ABCB4: variants seen among roughly 807,000 people sequenced by gnomAD.
ABCB4 encodes the protein phosphatidylcholine translocator ABCB4.
In ABCB4, 76 loss-of-function variants were observed where a neutral mutation model predicts 145.7. The observed-to-expected ratio is 0.52, with a 90% confidence interval of 0.43 to 0.63. ABCB4 has a LOEUF of 0.63. Among genes scored for constraint, ABCB4 ranks in the 30% least tolerant of loss-of-function variants. The probability of loss-of-function intolerance (pLI) is 0.00; values close to 1 mark genes in which losing one functional copy is unlikely to be tolerated. For missense variants in ABCB4, 1,234 were observed against 1,553.1 expected (o/e 0.79, Z 3.45); for synonymous variants, 517 against 566.8 (o/e 0.91, Z 1.25).
At chr7:87,414,996 C>T (rs576009382) in intron 21 of ABCB4, among the ~76,000 whole-genome samples, 1 of 152,300 alleles carries the variant, frequency 6.6e-6, no homozygotes, top group South Asian at 2.1e-4. Context: ...CCAACTGAGA[C>T]TATCTGATGT....
chr7:87,402,990 C>T (rs532178520), intron 27 of ABCB4, 145 bp downstream of exon 27: 210 of 903,638 alleles, frequency 2.3e-4, no homozygotes, highest in Middle Eastern at 1.3e-3. Context: ...AACGAGACCC[C>T]GTCTCAAAAA....
chr7:87,475,462 C>A lies in ABCB4; in HGVS notation c.4G>T (p.Asp2Tyr). 1 of 1,614,218 alleles carries A rather than the reference C, an allele frequency of 6.2e-7. No individual in the cohort carries two copies. Among genetic ancestry groups the A allele is most frequent in the East Asian group, 2.2e-5 (1 of 44,876 alleles). ...GTTCCGTTCTTTGCCGCCTCAAGAT[C>A]CATCTCAGCCTGAGGAGAAACCACA... Reference protein sequence around the residue: MDLEAAKNGTAW... With the variant: MYLEAAKNGTAW... The change falls in exon 2 of 28, where the codon GAT (aspartate) becomes TAT (tyrosine). Residue 2 changes from aspartate (D) to tyrosine (Y), a missense_variant. Coordinates refer to ENST00000649586, the MANE Select transcript of ABCB4 (RefSeq NM_000443.4).
the ABCB4 span, among the ~76,000 whole-genome samples, chr7:87,385,572 A>G: frequency 6.6e-6 from 1 of 152,120 alleles, no homozygotes; most frequent in Middle Eastern, 3.4e-3. Flanking sequence ...TTTGTTTATC[A>G]CTCTAATGGC....
At chr7:87,396,942 CTA>C (rs1807545727), downstream of ABCB4, among the ~76,000 whole-genome samples, 1 of 152,078 alleles carries the variant, frequency 6.6e-6, no homozygotes, top group Admixed American at 6.6e-5. Flanking sequence ...CTTAGGATTC[CTA>C]TGATTTATCT....
intron 21 of ABCB4, among the ~76,000 whole-genome samples, chr7:87,414,381 G>A (rs1451558415): frequency 2.0e-5 from 3 of 152,176 alleles, no homozygotes; most frequent in South Asian, 4.1e-4. Context: ...TACAGCATCC[G>A]AGGAATGGAA....
intron 26 of ABCB4, 170 bp from the exon 27 acceptor site, chr7:87,403,451 C>T: frequency 1.6e-6 from 1 of 629,610 alleles, no homozygotes; most frequent in Non-Finnish European, 2.8e-6. Context: ...CTTTAATTCT[C>T]AATGGTATTC....
At chr7:87,375,846 G>T in the ABCB4 span, 2 of 1,613,436 alleles carry the variant, frequency 1.2e-6, no homozygotes, top group Admixed American at 3.3e-5. Context: ...ATATCTGATT[G>T]GTCTTGATCC....
At chr7:87,369,076 A>T in the ABCB4 span, among the ~76,000 whole-genome samples, 1 of 152,040 alleles carries the variant, frequency 6.6e-6, no homozygotes, top group African/African-American at 2.4e-5. Flanking sequence ...TCCCCTTCCC[A>T]TTTCTGTTCC....
the ABCB4 span, among the ~76,000 whole-genome samples, chr7:87,378,686 C>T: frequency 6.6e-6 from 1 of 152,146 alleles, no homozygotes; most frequent in Admixed American, 6.5e-5. Flanking sequence ...TGGAATAATC[C>T]TCATCAGTTG....
intron 16 of ABCB4, among the ~76,000 whole-genome samples, chr7:87,424,736 AC>A (rs1351789277): frequency 6.6e-6 from 1 of 152,218 alleles, no homozygotes; most frequent in Non-Finnish European, 1.5e-5. Context: ...CTAGTATGTA[AC>A]TTTTTTTAAG....
intron 5 of ABCB4, among the ~76,000 whole-genome samples, chr7:87,453,910 A>T (rs1013925429): frequency 2.0e-5 from 3 of 150,948 alleles, no homozygotes; most frequent in Non-Finnish European, 3.0e-5. Context: ...GAACCAAAAA[A>T]CTTTGTTCCT....
At chr7:87,421,641 A>T (rs183850536) in intron 18 of ABCB4, among the ~76,000 whole-genome samples, 70 of 152,360 alleles carry the variant, frequency 4.6e-4, no homozygotes, top group African/African-American at 1.5e-3. Context: ...ATTACAGAGA[A>T]GTCTAACTGG....
At position 87,418,716 on chromosome 7, in the gene ABCB4, A is replaced by G. The variant is rs1051016010; in HGVS notation, c.2395-96T>C. ...CAAAGCTCCAATGCTGAGGAAATTTAGGGGAGACCTCATATGCAGTGTAGA... is the reference window on the plus strand; with the variant it reads ...CAAAGCTCCAATGCTGAGGAAATTTGGGGGAGACCTCATATGCAGTGTAGA... On this transcript the variant is annotated intron_variant, in intron 19 of 27. Transcript: ENST00000649586. 5.2e-6 allele frequency: 6 copies of G among 1,143,840 alleles called. No individual in the cohort carries two copies. The African/African-American group carries it at 9.2e-5, about 17-fold the overall frequency. The allele number at this position is 1,143,840 out of a possible 1,614,324, so 70.9% of individuals were successfully genotyped here. A position where few individuals can be genotyped will look rare whatever the true frequency, so the allele number is the denominator to read the frequency against.
downstream of ABCB4, among the ~76,000 whole-genome samples, chr7:87,397,573 A>G (rs1807577526): frequency 6.6e-6 from 1 of 152,206 alleles, no homozygotes. Context: ...ACATGTTTAG[A>G]TGCTGCTAAA....
At chr7:87,435,394 T>C (rs913728014) in intron 14 of ABCB4, among the ~76,000 whole-genome samples, 5 of 152,232 alleles carry the variant, frequency 3.3e-5, no homozygotes, top group Non-Finnish European at 5.9e-5. Context: ...TCCTCATATC[T>C]GGGCAGGCCC....
intron 14 of ABCB4, among the ~76,000 whole-genome samples, chr7:87,436,322 C>CAA (rs201591261): frequency 8.7e-5 from 9 of 102,892 alleles, no homozygotes; most frequent in South Asian, 3.0e-4. Context: ...CTTTCAGCTA[C>CAA]AAAAAAAAAA....
intron 15 of ABCB4, among the ~76,000 whole-genome samples, chr7:87,430,046 A>G (rs536846080): frequency 6.6e-6 from 1 of 152,202 alleles, no homozygotes; most frequent in East Asian, 1.9e-4. Flanking sequence ...ACTTATAGCA[A>G]CCTCTCATGG....
chr7:87,422,203 G>A lies in ABCB4; in HGVS notation c.2234C>T (p.Ala745Val), dbSNP rs1347506556. 6 of 1,613,492 alleles carry A rather than the reference G, an allele frequency of 3.7e-6. No individual in the cohort carries two copies. Among genetic ancestry groups the A allele is most frequent in the Non-Finnish European group, 2.5e-6 (3 of 1,179,568 alleles). ...IIAIFGPGDD[A>V]VKQQKCNIFS... ...TATGTTGCACTTCTGCTGCTTCACTGCATCATCGCCTGGTCCAAAAATCTA... is the reference window on the plus strand; with the variant it reads ...TATGTTGCACTTCTGCTGCTTCACTACATCATCGCCTGGTCCAAAAATCTA... Residue 745 changes from alanine (A) to valine (V), a missense_variant, in exon 18 of 28, where the codon GCA becomes GTA. This residue lies in a region of ABCB4 where 321 missense variants were observed against 332.6 expected (regional missense o/e 0.97). Transcript: ENST00000649586.
At chr7:87,405,427 CTTT>C (rs55698863) in intron 26 of ABCB4, among the ~76,000 whole-genome samples, 2 of 133,908 alleles carry the variant, frequency 1.5e-5, no homozygotes, top group Non-Finnish European at 1.6e-5. Flanking sequence ...TGTTCTGTAT[CTTT>C]TTTTTTTTTT....
Sources: gnomAD v4.1 joint callset for allele counts (sites outside exome capture counted in the v4.1 genomes callset) on GRCh38, gnomAD v4.1.1 for gene constraint, gnomAD v4.1.1 regional missense constraint, MANE v1.5 for transcripts, NCBI Gene and HGNC (gene_info 2026-07-23, HGNC 2026-07-21) for gene names.